The following EBF1 variants were observed in gnomAD, a reference collection of about 807,000 sequenced individuals.
EBF1 encodes the protein transcription factor COE1.
Under a neutral mutation model 68.4 loss-of-function variants are expected in EBF1, and 10 were observed. The observed-to-expected ratio is 0.15, with a 90% CI of 0.09 to 0.25. The LOEUF (loss-of-function observed/expected upper bound fraction) is 0.25, where lower values mean the gene tolerates loss of function less well. EBF1 is among the 10% of genes least tolerant of loss of function. The probability of loss-of-function intolerance (pLI) is 1.00; values close to 1 mark genes in which losing one functional copy is unlikely to be tolerated. For synonymous variants in EBF1, 298 were observed against 299.8 expected (o/e 0.99, Z 0.06); for missense variants, 509 against 794.4 (o/e 0.64, Z 4.32).
At chr5:158,970,888 G>A (rs1755518968) in intron 6 of EBF1, among the ~76,000 whole-genome samples, 3 of 152,308 alleles carry the variant, frequency 2.0e-5, no homozygotes, top group South Asian at 2.1e-4. Flanking sequence ...GTAGGGAGGA[G>A]GAGTCATAGC....
chr5:158,896,369 C>T (rs1358615245), intron 6 of EBF1, among the ~76,000 whole-genome samples: 1 of 152,138 alleles, frequency 6.6e-6, no homozygotes, highest in Non-Finnish European at 1.5e-5. Context: ...TCTTGTATCT[C>T]CTTTATACAC....
At chr5:158,871,081 A>C (rs147361322) in intron 6 of EBF1, among the ~76,000 whole-genome samples, 1 of 152,234 alleles carries the variant, frequency 6.6e-6, no homozygotes, top group Non-Finnish European at 1.5e-5. Context: ...GCTGCCTTAC[A>C]AGATGAATTC....
intron 10 of EBF1, among the ~76,000 whole-genome samples, chr5:158,768,967 T>C (rs959043475): frequency 3.3e-5 from 5 of 152,174 alleles, no homozygotes; most frequent in African/African-American, 1.2e-4. Context: ...TTTACAGTGT[T>C]GCATTACATT....
intron 6 of EBF1, among the ~76,000 whole-genome samples, chr5:158,959,589 T>G (rs7378897): frequency 0.88 from 133,329 of 152,032 alleles, 59,848 homozygotes; most frequent in Non-Finnish European, 0.99. Flanking sequence ...ACCAGGCCTG[T>G]TCAAGAATTT....
At chr5:158,904,443 G>C (rs908408214) in intron 6 of EBF1, among the ~76,000 whole-genome samples, 15 of 152,100 alleles carry the variant, frequency 9.9e-5, no homozygotes, top group African/African-American at 3.4e-4. Context: ...CAAACTCTAA[G>C]CCCATGACCT....
chr5:158,909,073 A>C (rs1207459784), intron 6 of EBF1, among the ~76,000 whole-genome samples: 2 of 152,148 alleles, frequency 1.3e-5, no homozygotes, highest in African/African-American at 4.8e-5. Flanking sequence ...GCAGGGAAAA[A>C]CATTAATATA....
At chr5:158,804,922 T>C (rs1781295331) in intron 8 of EBF1, among the ~76,000 whole-genome samples, 1 of 152,134 alleles carries the variant, frequency 6.6e-6, no homozygotes, top group African/African-American at 2.4e-5. Flanking sequence ...TAAGAGAATT[T>C]TCAAAATGAA....
In EBF1 at chr5:158,978,458, T is replaced by C. The variant is rs190646231; in HGVS notation, c.554+94938A>G. Among the ~76,000 whole-genome samples, 7 of 152,300 alleles carry C rather than the reference T, an allele frequency of 4.6e-5. No homozygotes were observed. In the East Asian group the frequency reaches 9.7e-4, roughly 21 times the overall value. On this transcript the variant is annotated intron_variant, in intron 6 of 15. Coordinates refer to ENST00000313708, the MANE Select transcript of EBF1 (RefSeq NM_024007.5). ...CTTTACACTTCATTTTGCCTCTTTTTAAGGTTGGAAGGGGCAGAAGCCTTA... is the reference window on the plus strand; with the variant it reads ...CTTTACACTTCATTTTGCCTCTTTTCAAGGTTGGAAGGGGCAGAAGCCTTA...
intron 6 of EBF1, among the ~76,000 whole-genome samples, chr5:158,898,540 C>A (rs1241654695): frequency 6.6e-6 from 1 of 152,188 alleles, no homozygotes; most frequent in Non-Finnish European, 1.5e-5. Context: ...CTACCCAGTA[C>A]CAGAGGTTTT....
At chr5:159,075,603 A>C (rs549888215) in intron 5 of EBF1, among the ~76,000 whole-genome samples, 258 of 152,070 alleles carry the variant, frequency 1.7e-3, no homozygotes, top group Non-Finnish European at 3.3e-3. Flanking sequence ...ATCTCCATCC[A>C]AGTCCTTGGA....
chr5:158,989,439 G>C (rs894453426), intron 6 of EBF1, among the ~76,000 whole-genome samples: 4 of 152,210 alleles, frequency 2.6e-5, no homozygotes, highest in Non-Finnish European at 5.9e-5. Flanking sequence ...ATGGATACGA[G>C]TGATGGTGAG....
chr5:158,961,768 C>T (rs1272018653), intron 6 of EBF1, among the ~76,000 whole-genome samples: 8 of 152,138 alleles, frequency 5.3e-5, no homozygotes, highest in Non-Finnish European at 1.2e-4. Flanking sequence ...TGCTTACCAC[C>T]TACCACTAAG....
intron 8 of EBF1, among the ~76,000 whole-genome samples, chr5:158,818,131 G>T (rs1784115259): frequency 6.6e-6 from 1 of 152,122 alleles, no homozygotes; most frequent in Non-Finnish European, 1.5e-5. Flanking sequence ...GAAGCAAAGT[G>T]ACCTTCCCAG....
At chr5:158,749,610 C>T (rs1030724193) in intron 10 of EBF1, among the ~76,000 whole-genome samples, 2 of 152,082 alleles carry the variant, frequency 1.3e-5, no homozygotes, top group African/African-American at 4.8e-5. Flanking sequence ...TACCTCCTAG[C>T]AATGCCATTA....
At chr5:158,736,261 C>G (rs758358431) in intron 10 of EBF1, among the ~76,000 whole-genome samples, 1 of 152,128 alleles carries the variant, frequency 6.6e-6, no homozygotes, top group African/African-American at 2.4e-5. Flanking sequence ...ACTCCTCCGT[C>G]CCCGTTAACT....
chr5:158,830,887 T>C (rs1217042722), intron 7 of EBF1, among the ~76,000 whole-genome samples: 2 of 152,188 alleles, frequency 1.3e-5, no homozygotes, highest in African/African-American at 4.8e-5. Context: ...AAAGGAGTGG[T>C]TAATGGAATT....
chr5:158,800,738 G>C (rs1384830562), intron 8 of EBF1, among the ~76,000 whole-genome samples: 1 of 152,108 alleles, frequency 6.6e-6, no homozygotes, highest in East Asian at 1.9e-4. Flanking sequence ...AGAAACAGAG[G>C]GGAGACAGGG....
chr5:158,826,128 G>C (rs950515682), intron 7 of EBF1, among the ~76,000 whole-genome samples: 5 of 152,234 alleles, frequency 3.3e-5, no homozygotes, highest in Non-Finnish European at 7.4e-5. Flanking sequence ...CTAAATTTGA[G>C]ACAGATAAAC....
intron 9 of EBF1, among the ~76,000 whole-genome samples, chr5:158,789,151 A>T (rs1012124969): frequency 6.6e-6 from 1 of 152,214 alleles, no homozygotes; most frequent in African/African-American, 2.4e-5. Flanking sequence ...GCACAAAGCA[A>T]CTTCTATATA....
Sources: allele counts gnomAD v4.1 joint callset (sites outside exome capture counted in the v4.1 genomes callset), GRCh38; gene constraint gnomAD v4.1.1; transcripts MANE v1.5; gene names NCBI Gene and HGNC (gene_info 2026-07-23, HGNC 2026-07-21).